The following APC2 variants were observed in gnomAD, a reference collection of about 807,000 sequenced individuals.
APC2 encodes the protein APC regulator of Wnt signaling pathway 2, also known as adenomatous polyposis coli protein 2.
In APC2, 41 loss-of-function variants were observed where a neutral mutation model predicts 72.5. That is an observed-to-expected ratio of 0.57 (90% CI 0.44 to 0.73). The LOEUF (loss-of-function observed/expected upper bound fraction) is 0.73. Among genes scored for constraint, APC2 ranks in the 30% least tolerant of loss-of-function variants. The pLI is 0.00. For synonymous variants in APC2, 1,898 were observed against 1,612.0 expected (o/e 1.18, Z -4.25); for missense variants, 3,729 against 3,403.4 (o/e 1.10, Z -2.38).
At position 1,458,747 on chromosome 19, in the gene APC2, C is replaced by T. The variant is rs567801499; in HGVS notation, c.1303+687C>T. ...GTAACTTTTTTTTGAGACAGAGTCTCACTCTGTTGCCCAGGCTGGAGTGCA... is the reference window on the plus strand; with the variant it reads ...GTAACTTTTTTTTGAGACAGAGTCTTACTCTGTTGCCCAGGCTGGAGTGCA... On this transcript the variant is annotated intron_variant, in intron 10 of 14. Transcript: ENST00000590469. Among the ~76,000 whole-genome samples, 6 of 152,074 alleles carry T rather than the reference C, an allele frequency of 3.9e-5. No homozygotes were observed. The East Asian group carries it at 9.8e-4, about 25-fold the overall frequency.
chr19:1,457,896 G>A lies in APC2; in HGVS notation c.1208-69G>A, dbSNP rs868200980. 4.8e-5 allele frequency: 63 copies of A among 1,319,350 alleles called. 1 individual carries two copies. The highest frequency in any genetic ancestry group is 2.3e-4 in the South Asian group (18 of 77,606). 81.7% of individuals were successfully genotyped at this position (1,319,350 alleles called of 1,614,324 possible). A position where few individuals can be genotyped will look rare whatever the true frequency, so the allele number is the denominator to read the frequency against. ...TTCAGGCCTGGGGCGGGCGGGTTGC[G>A]GGACCTTCGGGAGTCACCTGGGACA... On this transcript the variant is annotated intron_variant, in intron 9 of 14. Coordinates refer to ENST00000590469, the MANE Select transcript of APC2 (RefSeq NM_005883.3).
In APC2 at chr19:1,468,589, G is replaced by A. The variant is rs1445936658; in HGVS notation, c.5288G>A (p.Gly1763Glu). ...GGCGCAGCCTCAGTCAAGACCAGCG[G>A]GAGCCCCCGTTCCCCTGCAGGCCCC... ...KRGAASVKTS[G>E]SPRSPAGPEK... The change falls in exon 15 of 15, where the codon GGG becomes GAG. Residue 1763 changes from glycine to glutamate, a missense_variant. Gly to Glu is a moderately conservative substitution (Grantham distance 98). Coordinates refer to ENST00000590469, the MANE Select transcript of APC2 (RefSeq NM_005883.3). 1.9e-6 allele frequency: 3 copies of A among 1,599,914 alleles called. No individual in the cohort carries two copies. The highest frequency in any genetic ancestry group is 1.7e-4 in the Middle Eastern group (1 of 6,048).
In APC2 at chr19:1,466,468, A is replaced by G; in HGVS notation, c.3167A>G (p.Gln1056Arg). ...APLSVASKAL[Q>R]KLAAQEGPLS... ...CTGTCTGTGGCCAGCAAGGCACTGC[A>G]GAAACTGGCGGCGCAAGAGGGGCCA... Residue 1056 changes from glutamine to arginine, a missense_variant, in exon 15 of 15, where the codon CAG (glutamine) becomes CGG (arginine). Coordinates refer to ENST00000590469, the MANE Select transcript of APC2 (RefSeq NM_005883.3). The G allele has an allele frequency of 6.3e-7, 1 of 1,598,278 alleles. No individual in the cohort carries two copies. The highest frequency in any genetic ancestry group is 8.5e-7 in the Non-Finnish European group (1 of 1,179,552).
chr19:1,448,804 A>G (rs1311046669), upstream of APC2, among the ~76,000 whole-genome samples: 1 of 150,990 alleles, frequency 6.6e-6, no homozygotes, highest in Non-Finnish European at 1.5e-5. Context: ...AGAACGTGCC[A>G]CTGCACTCCA....
chr19:1,448,222 T>C (rs765530126), upstream of APC2, among the ~76,000 whole-genome samples: 14 of 152,050 alleles, frequency 9.2e-5, no homozygotes, highest in Non-Finnish European at 1.8e-4. Flanking sequence ...CAAGCATGCA[T>C]TGATCTTCCC....
intron 6 of APC2, 71 bp downstream of exon 6, chr19:1,455,571 A>C (rs2083810094): frequency 7.0e-7 from 1 of 1,418,748 alleles, no homozygotes; most frequent in Non-Finnish European, 9.8e-7. Flanking sequence ...GAGTGCAGAT[A>C]TTATGGGCGG....
Position 1,456,128 on chromosome 19 carries a change from A to T in APC2, c.692A>T (p.Asp231Val). 1 of 1,592,480 alleles carries T rather than the reference A, an allele frequency of 6.3e-7. No individual in the cohort carries two copies. Among genetic ancestry groups the T allele is most frequent in the Non-Finnish European group, 8.5e-7 (1 of 1,171,844 alleles). Residue 231 changes from aspartate (D) to valine (V), a missense_variant, in exon 7 of 15, where the codon GAC becomes GTC. By Grantham distance (152) the Asp-to-Val change is radical. Transcript: ENST00000590469. ...GACAAGGAGCTGCTGGAGGCGCAGG[A>T]CCGAGTGCAGCAGACGGAGCCCCAG... ...QIDKELLEAQDRVQQTEPQAL... is the reference protein window; with the variant it reads ...QIDKELLEAQVRVQQTEPQAL...
Position 1,452,300 on chromosome 19 carries a change from G to A in APC2, c.-18-684G>A, listed in dbSNP as rs1420986719. The A allele has an allele frequency of 6.5e-6, 1 of 154,482 alleles. No homozygotes were observed. The highest frequency in any genetic ancestry group is 2.4e-5 in the African/African-American group (1 of 41,452). 9.6% of individuals were successfully genotyped at this position (154,482 alleles called of 1,614,324 possible). A position where few individuals can be genotyped will look rare whatever the true frequency, so the allele number is the denominator to read the frequency against. ...GCAGGGACCAGCTGAAGGCTGCGCA[G>A]GGGGTGCGGGCCACACAGGTAGCCA... On this transcript the variant is annotated intron_variant, in intron 1 of 14. Coordinates refer to ENST00000590469, the MANE Select transcript of APC2 (RefSeq NM_005883.3). This position sits in a 1 kb window ranked among gnomAD's most constrained non-coding sequence, Gnocchi z 5.1.
upstream of APC2, among the ~76,000 whole-genome samples, chr19:1,448,168 C>G (rs897881629): frequency 5.9e-5 from 9 of 152,234 alleles, no homozygotes; most frequent in African/African-American, 2.2e-4. Flanking sequence ...TCAAACCCCA[C>G]CACGCGCCCT....
Position 1,469,286 on chromosome 19 carries a change from A to C in APC2, c.5985A>C (p.Leu1995=). The C allele has an allele frequency of 1.4e-6, 2 of 1,421,804 alleles. No homozygotes were observed. The highest frequency in any genetic ancestry group is 1.8e-6 in the Non-Finnish European group (2 of 1,085,110). The allele number at this position is 1,421,804 out of a possible 1,614,324, so 88.1% of individuals were successfully genotyped here. A position where few individuals can be genotyped will look rare whatever the true frequency, so the allele number is the denominator to read the frequency against. ...ACCGCTCGGGCTTCCGGCGACAGCTAACCTTCATCAAGGAGTCGCCGGGCT... is the reference window on the plus strand; with the variant it reads ...ACCGCTCGGGCTTCCGGCGACAGCTCACCTTCATCAAGGAGTCGCCGGGCT... ...SSDRSGFRRQ[L]TFIKESPGLR... is the part of the protein sequence containing the mutation. The change falls in exon 15 of 15, where the codon CTA becomes CTC. Residue 1995 remains leucine, a synonymous_variant. Coordinates refer to ENST00000590469, the MANE Select transcript of APC2 (RefSeq NM_005883.3).
chr19:1,470,505 T>G lies in APC2; in HGVS notation c.*292T>G. On this transcript the variant is annotated 3_prime_UTR_variant, in exon 15 of 15. Coordinates refer to ENST00000590469, the MANE Select transcript of APC2 (RefSeq NM_005883.3). Reference sequence around the variant, plus strand: ...GGCCCAGCCCTGAGCGCGCGGCCCTTCCCCTGTCGGAAGCCGTTGCTTGAC... The same window carrying G: ...GGCCCAGCCCTGAGCGCGCGGCCCTGCCCCTGTCGGAAGCCGTTGCTTGAC... The G allele has an allele frequency of 3.0e-5, 10 of 336,034 alleles. No homozygotes were observed. Among genetic ancestry groups the G allele is most frequent in the Non-Finnish European group, 4.9e-5 (9 of 185,438 alleles). The allele number at this position is 336,034 out of a possible 1,614,324, so 20.8% of individuals were successfully genotyped here. A position where few individuals can be genotyped will look rare whatever the true frequency, so the allele number is the denominator to read the frequency against.
rs1432725386 is a variant in APC2, at chr19:1,470,463, G to T, written c.*250G>T. The T allele has an allele frequency of 3.8e-6, 2 of 526,950 alleles. No homozygotes were observed. The highest frequency in any genetic ancestry group is 3.2e-6 in the Non-Finnish European group (1 of 314,266). The allele number at this position is 526,950 out of a possible 1,614,324, so 32.6% of individuals were successfully genotyped here. On this transcript the variant is annotated 3_prime_UTR_variant, in exon 15 of 15. Coordinates refer to ENST00000590469, the MANE Select transcript of APC2 (RefSeq NM_005883.3). Reference sequence around the variant, plus strand: ...AGGCCTCAAGTCCCGACCGTGGAGCGCTGGCAAGGGCGTCCTGGCCCAGCC... The same window carrying T: ...AGGCCTCAAGTCCCGACCGTGGAGCTCTGGCAAGGGCGTCCTGGCCCAGCC...
Position 1,457,002 on chromosome 19 carries a change from C to T in APC2, c.966C>T (p.His322=), listed in dbSNP as rs757722260. ...TGCCTCTGCTGCTGCAAATCCTCCA[C>T]GGCACCGAGGCCGCGGCCGGGGGTC... is the stretch of plus-strand genomic sequence containing the variant. ...GCLPLLLQIL[H]GTEAAAGGRA... The change falls in exon 9 of 15, where the codon CAC becomes CAT. Residue 322 remains histidine (H), a synonymous_variant. Transcript: ENST00000590469. 2.0e-6 allele frequency: 3 copies of T among 1,532,086 alleles called. No homozygotes were observed. Among genetic ancestry groups the T allele is most frequent in the African/African-American group, 1.4e-5 (1 of 71,998 alleles). The allele number at this position is 1,532,086 out of a possible 1,614,324, so 94.9% of individuals were successfully genotyped here.
Position 1,469,459 on chromosome 19 carries a change from GC to G in APC2, c.6161del (p.Pro2054ArgfsTer281). The part of the protein sequence containing the change: ...CEELRAAPRQ[G>X]PAPARQRPPA... ...GAGCTCCGAGCGGCACCCCGGCAGG[GC>G]CCGGCCCCGGCCCGGCAGCGGCCCC... On this transcript the variant is annotated frameshift_variant, in exon 15 of 15. Coordinates refer to ENST00000590469, the MANE Select transcript of APC2 (RefSeq NM_005883.3). LOFTEE classifies it low-confidence loss of function (END_TRUNC). 8.8e-7 allele frequency: 1 copy of G among 1,137,458 alleles called. No individual in the cohort carries two copies. The highest frequency in any genetic ancestry group is 3.5e-5 in the South Asian group (1 of 28,590). The allele number at this position is 1,137,458 out of a possible 1,614,324, so 70.5% of individuals were successfully genotyped here. A position where few individuals can be genotyped will look rare whatever the true frequency, so the allele number is the denominator to read the frequency against.
chr19:1,456,235 CCCA>C, intron 7 of APC2, 68 bp from the exon 8 acceptor site: 1 of 1,555,606 alleles, frequency 6.4e-7, no homozygotes. Context: ...CCCGCCCCCG[CCCA>C]CATCATCACG....
At position 1,465,578 on chromosome 19, in the gene APC2, G is replaced by A. The variant is rs1218287346; in HGVS notation, c.2277G>A (p.Pro759=). ...AGGCCGCCACTAAGAAGCCGCTGCC[G>A]CCCCTGCGACACCTGGACGGCCTGG... ...AAEAATKKPL[P]PLRHLDGLAQ... The change falls in exon 15 of 15, where the codon CCG becomes CCA. Residue 759 remains proline (P), a synonymous_variant. Coordinates refer to ENST00000590469, the MANE Select transcript of APC2 (RefSeq NM_005883.3). 8.3e-6 allele frequency: 13 copies of A among 1,566,952 alleles called. No individual in the cohort carries two copies. In the Admixed American group the frequency reaches 1.7e-4, roughly 20 times the overall value.
chr19:1,462,865 G>A (rs1266256206), intron 14 of APC2, among the ~76,000 whole-genome samples: 3 of 151,402 alleles, frequency 2.0e-5, no homozygotes, highest in African/African-American at 7.3e-5. Flanking sequence ...CAGCTACTCA[G>A]GAGGCTGAGA....
At chr19:1,450,034 T>G, upstream of APC2, 7 of 770,346 alleles carry the variant, frequency 9.1e-6, no homozygotes, top group Non-Finnish European at 1.1e-5. Context: ...CGGGCCGCCA[T>G]TGGCTGTTGC....
In APC2 at chr19:1,453,499, G is replaced by T; in HGVS notation, c.301G>T (p.Ala101Ser). 2 of 1,606,936 alleles carry T rather than the reference G, an allele frequency of 1.2e-6. No homozygotes were observed. The highest frequency in any genetic ancestry group is 1.7e-6 in the Non-Finnish European group (2 of 1,175,828). Reference protein sequence around the residue: ...FQPPTLGPEPAARTPEGSPVH... With the variant: ...FQPPTLGPEPSARTPEGSPVH... ...GCCGCCCACCCTGGGCCCGGAGCCT[G>T]CCGCCCGGACCCCCGAGGGCAGCCC... is the stretch of plus-strand genomic sequence containing the variant. Residue 101 changes from alanine (A) to serine (S), a missense_variant, in exon 4 of 15, where the codon GCC becomes TCC. By Grantham distance (99) the Ala-to-Ser change is moderately conservative. Coordinates refer to ENST00000590469, the MANE Select transcript of APC2 (RefSeq NM_005883.3).
Sources: allele counts gnomAD v4.1 joint callset (sites outside exome capture counted in the v4.1 genomes callset), GRCh38; gene constraint gnomAD v4.1.1; non-coding constraint Gnocchi (gnomAD v3.1); transcripts MANE v1.5; gene names NCBI Gene and HGNC (gene_info 2026-07-23, HGNC 2026-07-21).